Variants in SAMD3 observed in about 807,000 individuals in gnomAD.
SAMD3 encodes sterile alpha motif domain-containing protein 3.
A neutral mutation model predicts 58.5 loss-of-function variants in SAMD3; 63 were observed. That is an observed-to-expected ratio of 1.08 (90% CI 0.88 to 1.33). SAMD3 has a LOEUF of 1.33. Among genes scored for constraint, SAMD3 ranks in the 40% most tolerant of loss-of-function variants. The pLI is 0.00. For synonymous variants in SAMD3, 220 were observed against 210.3 expected (o/e 1.05, Z -0.40); for missense variants, 604 against 608.4 (o/e 0.99, Z 0.08).
At chr6:130,359,661 A>G (rs559619044) in intron 1 of SAMD3, among the ~76,000 whole-genome samples, 6 of 152,238 alleles carry the variant, frequency 3.9e-5, no homozygotes, top group Non-Finnish European at 8.8e-5. Context: ...ACCACAATAA[A>G]TATGCAGAAA....
At chr6:130,292,629 T>C (rs1380054644) in intron 2 of SAMD3, among the ~76,000 whole-genome samples, 2 of 149,712 alleles carry the variant, frequency 1.3e-5, no homozygotes, top group Non-Finnish European at 3.0e-5. Context: ...TTGTTTTGTT[T>C]TGTTTTTGAG....
chr6:130,246,200 T>C (rs1443685875), intron 2 of SAMD3, among the ~76,000 whole-genome samples: 1 of 152,122 alleles, frequency 6.6e-6, no homozygotes, highest in Non-Finnish European at 1.5e-5. Context: ...AATCAAGACA[T>C]ACAAACATAT....
At chr6:130,227,595 C>A (rs1796416766), upstream of SAMD3, among the ~76,000 whole-genome samples, 1 of 152,116 alleles carries the variant, frequency 6.6e-6, no homozygotes, top group Non-Finnish European at 1.5e-5. Context: ...CAAGGCCAGT[C>A]TGGCCAACAT....
At chr6:130,295,696 C>A (rs1341984445) in intron 2 of SAMD3, among the ~76,000 whole-genome samples, 1 of 152,160 alleles carries the variant, frequency 6.6e-6, no homozygotes, top group East Asian at 1.9e-4. Flanking sequence ...CTTGTCCCCC[C>A]TCTCCCAGAC....
intron 2 of SAMD3, among the ~76,000 whole-genome samples, chr6:130,285,890 A>G (rs1318227825): frequency 6.6e-6 from 1 of 152,176 alleles, no homozygotes; most frequent in Non-Finnish European, 1.5e-5. Flanking sequence ...GCCATAAGAG[A>G]TGGTAGGACC....
intron 2 of SAMD3, among the ~76,000 whole-genome samples, chr6:130,246,011 A>G (rs966196521): frequency 6.6e-6 from 1 of 152,182 alleles, no homozygotes; most frequent in South Asian, 2.1e-4. Context: ...GGAAGCATAG[A>G]TCAATCTGCA....
rs746454475 is a variant in SAMD3 at position 130,184,159 on chromosome 6, C to A, written c.598G>T (p.Val200Leu). Residue 200 changes from valine (V) to leucine (L), a missense_variant, in exon 7 of 12, where the codon GTG becomes TTG. Physicochemically the swap from Val to Leu is conservative, Grantham distance 32 (BLOSUM62 1). Transcript: ENST00000439090. Reference sequence around the variant, plus strand: ...TGGGCCTGCAGCAGGGCATTAACCACGTCATTGTACTGCTGGGTGCTGGGG... The same window carrying A: ...TGGGCCTGCAGCAGGGCATTAACCAAGTCATTGTACTGCTGGGTGCTGGGG... ...LYPSTQQYND[V>L]VNALLQAHPF... 4.3e-6 allele frequency: 7 copies of A among 1,613,726 alleles called. No homozygotes were observed. The highest frequency in any genetic ancestry group is 5.9e-6 in the Non-Finnish European group (7 of 1,179,868).
chr6:130,319,018 T>G (rs1776491454), intron 1 of SAMD3, among the ~76,000 whole-genome samples: 1 of 152,098 alleles, frequency 6.6e-6, no homozygotes, highest in Admixed American at 6.6e-5. Context: ...ACAGACTGGA[T>G]CAATGACAGA....
At chr6:130,264,034 G>T (rs938193942) in intron 2 of SAMD3, among the ~76,000 whole-genome samples, 1 of 152,204 alleles carries the variant, frequency 6.6e-6, no homozygotes, top group Non-Finnish European at 1.5e-5. Flanking sequence ...AGGATACCAA[G>T]ATGCAAATGC....
Position 130,285,697 on chromosome 6 carries a change from G to C in SAMD3, c.-188+27281C>G, listed in dbSNP as rs534684729. On this transcript the variant is annotated intron_variant, in intron 2 of 13. Coordinates refer to the SAMD3 transcript ENST00000368134. ...AATGTCATTGCTAGTTGTATTTTCT[G>C]TTACTTGAAGCCAATAGCATCTTAT... Among the ~76,000 whole-genome samples, 23 of 152,316 alleles carry C rather than the reference G, an allele frequency of 1.5e-4. No individual in the cohort carries two copies. In the South Asian group the frequency reaches 4.1e-3, roughly 27 times the overall value.
At chr6:130,334,916 C>A (rs1483798547) in intron 1 of SAMD3, among the ~76,000 whole-genome samples, 1 of 152,020 alleles carries the variant, frequency 6.6e-6, no homozygotes, top group African/African-American at 2.4e-5. Context: ...CAGCAGACAG[C>A]CAGCATGCAT....
chr6:130,347,054 G>A (rs2115030416), intron 1 of SAMD3, among the ~76,000 whole-genome samples: 1 of 152,280 alleles, frequency 6.6e-6, no homozygotes. Flanking sequence ...AAACAGAAAG[G>A]ACATCCACAC....
At chr6:130,251,131 G>A (rs1333798817) in intron 2 of SAMD3, among the ~76,000 whole-genome samples, 1 of 152,152 alleles carries the variant, frequency 6.6e-6, no homozygotes, top group Non-Finnish European at 1.5e-5. Flanking sequence ...AGCCATCCAA[G>A]TGGGCATAAA....
intron 2 of SAMD3, among the ~76,000 whole-genome samples, chr6:130,282,128 ACACACACGCACACACACAAG>A (rs1176942135): frequency 4.6e-5 from 7 of 151,892 alleles, no homozygotes; most frequent in Non-Finnish European, 1.0e-4. Context: ...CACAAGCCAC[ACACACACGCACACACACAAG>A]CACACACGCA....
At chr6:130,145,979 G>A (rs1303998740) in intron 10 of SAMD3, 31 bp downstream of exon 10, 11 of 1,310,066 alleles carry the variant, frequency 8.4e-6, no homozygotes, top group Non-Finnish European at 1.1e-5. Flanking sequence ...AATAACAGAT[G>A]AAATCACACC....
intron 1 of SAMD3, among the ~76,000 whole-genome samples, chr6:130,329,725 C>G (rs906847275): frequency 6.6e-6 from 1 of 152,134 alleles, no homozygotes; most frequent in African/African-American, 2.4e-5. Flanking sequence ...TCATGGAGTA[C>G]TATGCAGCCA....
At chr6:130,200,194 T>A (rs192003068) in intron 5 of SAMD3, among the ~76,000 whole-genome samples, 2 of 152,222 alleles carry the variant, frequency 1.3e-5, no homozygotes, top group Non-Finnish European at 2.9e-5. Context: ...CTTTATCTTA[T>A]CTACTACCAT....
At chr6:130,318,337 C>T (rs1271603137) in intron 1 of SAMD3, among the ~76,000 whole-genome samples, 1 of 152,126 alleles carries the variant, frequency 6.6e-6, no homozygotes. Flanking sequence ...TCTCCCATAA[C>T]AAAGCTCAAG....
intron 1 of SAMD3, among the ~76,000 whole-genome samples, chr6:130,219,472 T>C (rs945954408): frequency 2.6e-5 from 4 of 152,214 alleles, no homozygotes; most frequent in Non-Finnish European, 4.4e-5. Flanking sequence ...TGTAGTCTTT[T>C]ATCTCTCACC....
Sources: allele counts gnomAD v4.1 joint callset (sites outside exome capture counted in the v4.1 genomes callset), GRCh38; gene constraint gnomAD v4.1.1; transcripts MANE v1.5; gene names NCBI Gene and HGNC (gene_info 2026-07-23, HGNC 2026-07-21).